The following CNTNAP5 variants were observed in gnomAD, a reference collection of about 807,000 sequenced individuals.
CNTNAP5 encodes contactin associated protein family member 5, also known as contactin-associated protein-like 5.
In CNTNAP5, 72 loss-of-function variants were observed where a neutral mutation model predicts 150.2. The observed-to-expected ratio is 0.48, with a 90% CI of 0.40 to 0.58. CNTNAP5 has a LOEUF of 0.58. Ranked by LOEUF, CNTNAP5 falls within the 20% of genes least tolerant of loss-of-function variation. The pLI, the probability that CNTNAP5 is intolerant of heterozygous loss-of-function variation, is 0.00. For missense variants in CNTNAP5, 1,636 were observed against 1,626.2 expected, an observed-to-expected ratio of 1.01 and a Z score of -0.10; for synonymous variants, 672 against 619.8, an observed-to-expected ratio of 1.08 and a Z score of -1.25.
intron 13 of CNTNAP5, among the ~76,000 whole-genome samples, chr2:124,685,615 G>T (rs964246841): frequency 6.6e-6 from 1 of 152,142 alleles, no homozygotes; most frequent in Non-Finnish European, 1.5e-5. Flanking sequence ...AGAGCAAATT[G>T]TACTGCTTAT....
chr2:124,882,522 G>A (rs1331933195), intron 21 of CNTNAP5, among the ~76,000 whole-genome samples: 2 of 152,038 alleles, frequency 1.3e-5, no homozygotes, highest in Non-Finnish European at 2.9e-5. Flanking sequence ...GTGTAACCAA[G>A]GTCCTGTTTC....
intron 22 of CNTNAP5, among the ~76,000 whole-genome samples, chr2:124,905,126 G>GTTTTTTTTTTT (rs55885763): frequency 3.2e-5 from 4 of 126,976 alleles, no homozygotes; most frequent in Admixed American, 8.2e-5. Flanking sequence ...GTTTTTTTTT[G>GTTTTTTTTTTT]TTTTTTTTTT....
intron 1 of CNTNAP5, among the ~76,000 whole-genome samples, chr2:124,161,408 A>G (rs1156513955): frequency 6.6e-6 from 1 of 152,144 alleles, no homozygotes; most frequent in Non-Finnish European, 1.5e-5. Context: ...CCTAGCACCT[A>G]GGAAACAGAG....
intron 2 of CNTNAP5, among the ~76,000 whole-genome samples, chr2:124,237,924 G>A (rs1573858400): frequency 6.6e-6 from 1 of 152,136 alleles, no homozygotes; most frequent in African/African-American, 2.4e-5. Context: ...TTCTTAAGAT[G>A]TTGGTTCCTA....
intron 1 of CNTNAP5, among the ~76,000 whole-genome samples, chr2:124,084,279 T>C (rs865870208): frequency 6.6e-6 from 1 of 152,166 alleles, no homozygotes; most frequent in South Asian, 2.1e-4. Flanking sequence ...AGGTTTTTTT[T>C]TTTTCCTCAC....
chr2:124,672,166 T>C (rs1258960435), intron 13 of CNTNAP5, among the ~76,000 whole-genome samples: 1 of 152,188 alleles, frequency 6.6e-6, no homozygotes, highest in East Asian at 1.9e-4. Flanking sequence ...GGCCACCCTC[T>C]TCTGGTGTCT....
chr2:124,837,274 G>A (rs1384086524), intron 19 of CNTNAP5, among the ~76,000 whole-genome samples: 1 of 152,016 alleles, frequency 6.6e-6, no homozygotes, highest in Admixed American at 6.6e-5. Context: ...CAGGGTAGGT[G>A]GGGCATGTGA....
At chr2:124,502,753 G>A (rs1033470081) in intron 7 of CNTNAP5, among the ~76,000 whole-genome samples, 1 of 152,126 alleles carries the variant, frequency 6.6e-6, no homozygotes, top group East Asian at 1.9e-4. Context: ...TAAAACAACT[G>A]TGAGATACCA....
intron 12 of CNTNAP5, among the ~76,000 whole-genome samples, chr2:124,645,543 G>A (rs1394189931): frequency 2.0e-5 from 3 of 148,118 alleles, no homozygotes; most frequent in East Asian, 1.9e-4. Flanking sequence ...CCTCCAGCCT[G>A]GGCAACATAG....
rs1381769222 is a variant in CNTNAP5, at chr2:124,488,143, G to T, written c.1062+13261G>T. 2.6e-5 allele frequency among the ~76,000 whole-genome samples: 4 copies of T among 152,108 alleles called. No homozygotes were observed. The South Asian group carries it at 6.2e-4, about 24-fold the overall frequency. On this transcript the variant is annotated intron_variant, in intron 7 of 23. Transcript: ENST00000682447. ...TAAACACCGAAAATCAGAAAGAAAA[G>T]AAGTCACCCGCAATTTTATCAAAGC...
At chr2:124,198,052 A>G (rs576015771) in intron 1 of CNTNAP5, among the ~76,000 whole-genome samples, 2 of 152,088 alleles carry the variant, frequency 1.3e-5, no homozygotes, top group African/African-American at 4.8e-5. Flanking sequence ...ATTGACTCTC[A>G]TCAAAACTTC....
chr2:124,145,757 C>A (rs1410291770), intron 1 of CNTNAP5, among the ~76,000 whole-genome samples: 1 of 109,462 alleles, frequency 9.1e-6, no homozygotes, highest in East Asian at 2.6e-4. Context: ...AACTAACCTG[C>A]ACAATGTGCA....
chr2:124,109,730 T>G (rs1420060753), intron 1 of CNTNAP5, among the ~76,000 whole-genome samples: 1 of 136,184 alleles, frequency 7.3e-6, no homozygotes, highest in African/African-American at 2.5e-5. Flanking sequence ...GGTAGCCCCT[T>G]GCCTGATAGG....
chr2:124,891,116 C>T (rs1678185607), intron 21 of CNTNAP5, among the ~76,000 whole-genome samples: 1 of 152,058 alleles, frequency 6.6e-6, no homozygotes, highest in Admixed American at 6.6e-5. Flanking sequence ...TTAGGCGGAT[C>T]CTACTAGAGT....
Position 124,474,756 on chromosome 2 carries a change from T to G in CNTNAP5, c.936T>G (p.Ile312Met), listed in dbSNP as rs1159350950. ...DIDYELSFGG[I>M]PVPGKPGTFL... ...CCCAAAAGCTTAGTTTTGGAGGAAT[T>G]CCAGTACCAGGAAAACCTGGGACCT... is the stretch of plus-strand genomic sequence containing the variant. Residue 312 changes from isoleucine (I) to methionine (M), a missense_variant, in exon 7 of 24, where the codon ATT (isoleucine) becomes ATG (methionine). Coordinates refer to ENST00000682447, the MANE Select transcript of CNTNAP5 (RefSeq NM_001367498.1). The G allele has an allele frequency of 6.3e-7, 1 of 1,583,992 alleles. No homozygotes were observed. The highest frequency in any genetic ancestry group is 1.9e-5 in the Admixed American group (1 of 53,092).
chr2:124,838,135 G>C (rs751766945), intron 19 of CNTNAP5, among the ~76,000 whole-genome samples: 18 of 152,188 alleles, frequency 1.2e-4, no homozygotes, highest in Admixed American at 5.2e-4. Flanking sequence ...TAATAATCAA[G>C]ATAATAATTG....
rs569455983 is a variant in CNTNAP5, at chr2:124,178,522, C to A, written c.83-43183C>A. On this transcript the variant is annotated intron_variant, in intron 1 of 23. Transcript: ENST00000682447. ...GTAGTTCCTACATGCTGAGATCTCC[C>A]ATAGTAATTTCAATGTTTTTGTTTA... is the stretch of plus-strand genomic sequence containing the variant. Among the ~76,000 whole-genome samples, 5 of 152,252 alleles carry A rather than the reference C, an allele frequency of 3.3e-5. No homozygotes were observed. In the East Asian group the frequency reaches 9.7e-4, roughly 29 times the overall value.
intron 1 of CNTNAP5, among the ~76,000 whole-genome samples, chr2:124,046,542 T>C (rs1403018315): frequency 6.6e-6 from 1 of 151,954 alleles, no homozygotes; most frequent in Non-Finnish European, 1.5e-5. Context: ...TGAAGCTTAA[T>C]CATTTTCCTT....
At chr2:124,892,929 C>T (rs2791636) in intron 21 of CNTNAP5, among the ~76,000 whole-genome samples, 129,596 of 152,070 alleles carry the variant, frequency 0.85, 56,978 homozygotes, top group African/African-American at 0.93. Context: ...CACGCATTAT[C>T]ACCTTATTAG....
Sources: gnomAD v4.1 joint callset for allele counts (sites outside exome capture counted in the v4.1 genomes callset) on GRCh38, gnomAD v4.1.1 for gene constraint, MANE v1.5 for transcripts, NCBI Gene and HGNC (gene_info 2026-07-23, HGNC 2026-07-21) for gene names.